SOBP: variants seen among roughly 807,000 people sequenced by gnomAD.
The protein encoded by SOBP is sine oculis binding protein homolog, also known as sine oculis-binding protein homolog.
A neutral mutation model predicts 53.6 loss-of-function variants in SOBP; 4 were observed. The ratio of observed to expected loss-of-function variants is 0.07; its 90% CI spans 0.04 to 0.17. The LOEUF (loss-of-function observed/expected upper bound fraction) is 0.17, where lower values mean the gene tolerates loss of function less well. Among genes scored for constraint, SOBP ranks in the 10% least tolerant of loss-of-function variants. SOBP has a pLI of 1.00. For synonymous variants in SOBP, 584 were observed against 522.6 expected, an observed-to-expected ratio of 1.12 and a Z score of -1.60; for missense variants, 1,088 against 1,204.7, an observed-to-expected ratio of 0.90 and a Z score of 1.43.
chr6:107,641,820 G>A (rs1055443392), intron 6 of SOBP, among the ~76,000 whole-genome samples: 1 of 152,132 alleles, frequency 6.6e-6, no homozygotes, highest in Non-Finnish European at 1.5e-5. Flanking sequence ...GCTGCACCGT[G>A]GAACACTTAC....
chr6:107,571,489 C>T (rs146192789), intron 4 of SOBP, among the ~76,000 whole-genome samples: 128 of 152,346 alleles, frequency 8.4e-4, no homozygotes, highest in African/African-American at 2.8e-3. Context: ...CTCCCCTTAA[C>T]GCCTGAGCTT....
At chr6:107,595,574 C>G (rs945258135) in intron 5 of SOBP, among the ~76,000 whole-genome samples, 4 of 152,008 alleles carry the variant, frequency 2.6e-5, no homozygotes, top group African/African-American at 7.2e-5. Context: ...CCTCCAGTGG[C>G]TTCAAGGAAA....
chr6:107,634,246 A>G lies in SOBP; in HGVS notation c.1402A>G (p.Met468Val). The change falls in exon 6 of 7, where the codon ATG becomes GTG. Residue 468 changes from methionine (M) to valine (V), a missense_variant. Met to Val is a conservative substitution (Grantham distance 21, BLOSUM62 1). Transcript: ENST00000317357. The surrounding 1 kb of genome is among the most constrained non-coding windows in gnomAD (Gnocchi z 4.5). ...CATCCACCCCCCGAGCACCCCCACC[A>G]TGCCCGGGAACCCCCCAGGCCTGCT... Reference protein sequence around the residue: ...PHIHPPSTPTMPGNPPGLLPP... With the variant: ...PHIHPPSTPTVPGNPPGLLPP... 1.4e-6 allele frequency: 2 copies of G among 1,410,938 alleles called. No individual in the cohort carries two copies. Among genetic ancestry groups the G allele is most frequent in the Non-Finnish European group, 9.3e-7 (1 of 1,074,948 alleles). 87.4% of individuals were successfully genotyped at this position (1,410,938 alleles called of 1,614,324 possible).
intron 4 of SOBP, among the ~76,000 whole-genome samples, chr6:107,561,476 C>G (rs1430371470): frequency 6.6e-6 from 1 of 152,146 alleles, no homozygotes; most frequent in Non-Finnish European, 1.5e-5. Context: ...ACCCCTGCCC[C>G]GACTGAGGAG....
At chr6:107,654,163 G>A (rs1374563400) in intron 6 of SOBP, among the ~76,000 whole-genome samples, 1 of 152,236 alleles carries the variant, frequency 6.6e-6, no homozygotes, top group Non-Finnish European at 1.5e-5. Flanking sequence ...CTGGAATTCT[G>A]AAGATAGCTG....
Position 107,658,543 on chromosome 6 carries a change from G to C in SOBP, c.*340G>C, listed in dbSNP as rs997496337. The C allele has an allele frequency of 5.2e-5, 8 of 152,578 alleles. No individual in the cohort carries two copies. The highest frequency in any genetic ancestry group is 1.0e-4 in the Non-Finnish European group (7 of 68,028). The allele number at this position is 152,578 out of a possible 1,614,324, so 9.5% of individuals were successfully genotyped here. A position where few individuals can be genotyped will look rare whatever the true frequency, so the allele number is the denominator to read the frequency against. On this transcript the variant is annotated 3_prime_UTR_variant, in exon 7 of 7. Transcript: ENST00000317357. Reference sequence around the variant, plus strand: ...AAGGACCAATGTAGGTATTCTCCCCGCCCCATCTTCAAGGCTCAGCGACTG... The same window carrying C: ...AAGGACCAATGTAGGTATTCTCCCCCCCCCATCTTCAAGGCTCAGCGACTG...
At chr6:107,576,923 T>G (rs1785241898) in intron 4 of SOBP, among the ~76,000 whole-genome samples, 1 of 152,228 alleles carries the variant, frequency 6.6e-6, no homozygotes, top group Non-Finnish European at 1.5e-5. Context: ...ACATCATGTC[T>G]TTGATAAGTA....
intron 6 of SOBP, among the ~76,000 whole-genome samples, chr6:107,641,014 C>A (rs1391490267): frequency 6.6e-6 from 1 of 152,338 alleles, no homozygotes; most frequent in East Asian, 1.9e-4. Flanking sequence ...TTTTATGTGC[C>A]TATGCACAGA....
At chr6:107,649,586 A>G (rs530992884) in intron 6 of SOBP, among the ~76,000 whole-genome samples, 2 of 152,230 alleles carry the variant, frequency 1.3e-5, no homozygotes, top group Admixed American at 1.3e-4. Context: ...TTTCCTGCAG[A>G]ACAGCTCTAT....
intron 5 of SOBP, among the ~76,000 whole-genome samples, chr6:107,632,926 G>C (rs1770779957): frequency 6.6e-6 from 1 of 152,208 alleles, no homozygotes; most frequent in Admixed American, 6.5e-5. Context: ...CACAGGTTGG[G>C]AATAGCTAAA....
At chr6:107,605,100 A>G (rs1233151788) in intron 5 of SOBP, among the ~76,000 whole-genome samples, 2 of 151,886 alleles carry the variant, frequency 1.3e-5, no homozygotes, top group Non-Finnish European at 2.9e-5. Flanking sequence ...ATTTCCCACA[A>G]GTTCTGATGC....
intron 1 of SOBP, among the ~76,000 whole-genome samples, chr6:107,500,813 C>A (rs1782826610): frequency 6.6e-6 from 1 of 152,196 alleles, no homozygotes; most frequent in African/African-American, 2.4e-5. Flanking sequence ...GTCTGAGCCA[C>A]CACACCCAGC....
In SOBP at chr6:107,526,786, C is replaced by A. The variant is rs567813749; in HGVS notation, c.422-6673C>A. 5.3e-5 allele frequency among the ~76,000 whole-genome samples: 8 copies of A among 152,260 alleles called. No homozygotes were observed. The South Asian group carries it at 1.7e-3, about 32-fold the overall frequency. ...ATTGAAAATTAATTTTAAAGTCTGT[C>A]ATTTTTCTGTAATTTTGTATAATAT... On this transcript the variant is annotated intron_variant, in intron 3 of 6. Transcript: ENST00000317357.
intron 3 of SOBP, among the ~76,000 whole-genome samples, chr6:107,512,503 T>C (rs1473185771): frequency 6.6e-6 from 1 of 152,240 alleles, no homozygotes; most frequent in Non-Finnish European, 1.5e-5. Flanking sequence ...TGAATACATA[T>C]CTTTGACAAA....
chr6:107,599,531 C>A (rs780377970), intron 5 of SOBP, among the ~76,000 whole-genome samples: 6 of 149,360 alleles, frequency 4.0e-5, no homozygotes, highest in Non-Finnish European at 8.9e-5. Context: ...TTTTCAAGAT[C>A]TTCATCAAAA....
intron 6 of SOBP, among the ~76,000 whole-genome samples, chr6:107,651,913 T>C (rs1367139393): frequency 6.6e-6 from 1 of 152,216 alleles, no homozygotes; most frequent in East Asian, 1.9e-4. Context: ...CTTGATACCA[T>C]GGTTTACTGA....
At chr6:107,502,328 G>C (rs1169971897) in intron 1 of SOBP, among the ~76,000 whole-genome samples, 1 of 152,140 alleles carries the variant, frequency 6.6e-6, no homozygotes, top group African/African-American at 2.4e-5. Flanking sequence ...CACAAAGAAG[G>C]TTAGAATATA....
intron 1 of SOBP, among the ~76,000 whole-genome samples, chr6:107,494,845 A>G (rs1254626421): frequency 6.6e-6 from 1 of 152,166 alleles, no homozygotes; most frequent in Non-Finnish European, 1.5e-5. Flanking sequence ...AAGATTTTCT[A>G]GTTTGTTTTC....
At chr6:107,633,078 C>T (rs755900609) in intron 5 of SOBP, among the ~76,000 whole-genome samples, 1 of 152,164 alleles carries the variant, frequency 6.6e-6, no homozygotes, top group Non-Finnish European at 1.5e-5. Context: ...AAAGTGACTT[C>T]GCATGAGGAG....
Sources: allele counts gnomAD v4.1 joint callset (sites outside exome capture counted in the v4.1 genomes callset), GRCh38; gene constraint gnomAD v4.1.1; non-coding constraint Gnocchi (gnomAD v3.1); transcripts MANE v1.5; gene names NCBI Gene and HGNC (gene_info 2026-07-23, HGNC 2026-07-21).